Variants in LYPLAL1 observed in about 807,000 individuals in gnomAD.
The protein encoded by LYPLAL1 is lysophospholipase like 1, also known as lysophospholipase-like protein 1.
Under a neutral mutation model 19.7 loss-of-function variants are expected in LYPLAL1, and 23 were observed. That is an observed-to-expected ratio of 1.17 (90% CI 0.84 to 1.65). LYPLAL1 has a LOEUF of 1.65. Ranked by LOEUF, LYPLAL1 falls within the 40% of genes most tolerant of loss-of-function variation. The probability of loss-of-function intolerance (pLI) is 0.00; values close to 1 mark genes in which losing one functional copy is unlikely to be tolerated. For synonymous variants in LYPLAL1, 119 were observed against 96.3 expected (o/e 1.24, Z -1.38); for missense variants, 355 against 279.4 (o/e 1.27, Z -1.93).
At chr1:219,383,468 A>G in the LYPLAL1 span, among the ~76,000 whole-genome samples, 1 of 152,212 alleles carries the variant, frequency 6.6e-6, no homozygotes, top group African/African-American at 2.4e-5. Context: ...ACAGGTCAAT[A>G]TACTTCAGGT....
At chr1:219,306,286 T>C in the LYPLAL1 span, among the ~76,000 whole-genome samples, 1 of 152,054 alleles carries the variant, frequency 6.6e-6, no homozygotes, top group Non-Finnish European at 1.5e-5. Context: ...TAACCAAAGG[T>C]TATTGGGAGC....
intron 2 of LYPLAL1, among the ~76,000 whole-genome samples, chr1:219,181,938 T>C (rs1181807848): frequency 3.3e-5 from 5 of 152,184 alleles, no homozygotes; most frequent in African/African-American, 1.2e-4. Context: ...TTGCAGTATT[T>C]GCTTGTTGTT....
At chr1:219,347,819 C>T in the LYPLAL1 span, among the ~76,000 whole-genome samples, 1 of 151,864 alleles carries the variant, frequency 6.6e-6, no homozygotes, top group African/African-American at 2.4e-5. Context: ...AGCATATTTT[C>T]CCTTCTTTTT....
the LYPLAL1 span, among the ~76,000 whole-genome samples, chr1:219,239,397 A>G: frequency 6.6e-6 from 1 of 152,216 alleles, no homozygotes; most frequent in African/African-American, 2.4e-5. Flanking sequence ...TAAGTTAGTA[A>G]ATGGATGAGT....
the LYPLAL1 span, among the ~76,000 whole-genome samples, chr1:219,218,298 T>C: frequency 6.6e-6 from 1 of 152,030 alleles, no homozygotes; most frequent in Non-Finnish European, 1.5e-5. Flanking sequence ...ATGTCTTCAT[T>C]AGATGAAAAA....
chr1:219,345,576 G>T, the LYPLAL1 span, among the ~76,000 whole-genome samples: 1 of 152,168 alleles, frequency 6.6e-6, no homozygotes, highest in Admixed American at 6.5e-5. Flanking sequence ...TCTAAGGCAA[G>T]TTTTGGTGAG....
intron 3 of LYPLAL1, among the ~76,000 whole-genome samples, chr1:219,208,011 C>T (rs79103900): frequency 0.015 from 2,344 of 152,048 alleles, 55 homozygotes; most frequent in African/African-American, 0.052. Context: ...CTCACATTCT[C>T]TCCTATTTTA....
At chr1:219,269,415 T>A in the LYPLAL1 span, among the ~76,000 whole-genome samples, 1 of 151,850 alleles carries the variant, frequency 6.6e-6, no homozygotes, top group African/African-American at 2.4e-5. Flanking sequence ...GCTCACAGAC[T>A]TCACAGGTAG....
At chr1:219,358,836 G>A in the LYPLAL1 span, among the ~76,000 whole-genome samples, 36 of 129,930 alleles carry the variant, frequency 2.8e-4, no homozygotes, top group East Asian at 6.8e-4. Context: ...GTGTGTGTGC[G>A]TGTGTGTGTG....
chr1:219,399,172 G>A, the LYPLAL1 span, among the ~76,000 whole-genome samples: 2,531 of 151,980 alleles, frequency 0.017, 74 homozygotes, highest in African/African-American at 0.056. Flanking sequence ...GAGCTGGGGC[G>A]GGGGGGCCTC....
At chr1:219,236,617 C>A in the LYPLAL1 span, among the ~76,000 whole-genome samples, 1 of 152,198 alleles carries the variant, frequency 6.6e-6, no homozygotes, top group South Asian at 2.1e-4. Context: ...ACAATATTTT[C>A]ATATACCTCT....
rs375981973 is a variant in LYPLAL1, at chr1:219,208,571, G to A, written c.362-1961G>A. ...CAAAGCACTATACTTACCACTGAGC[G>A]TGTAAAGTTGAAACTGACTCATTAG... On this transcript the variant is annotated intron_variant, in intron 3 of 4. Transcript: ENST00000366928. Among the ~76,000 whole-genome samples the A allele has an allele frequency of 4.7e-4, 72 of 151,842 alleles. No homozygotes were observed. The South Asian group carries it at 0.011, about 22-fold the overall frequency.
the LYPLAL1 span, among the ~76,000 whole-genome samples, chr1:219,341,840 A>G: frequency 2.0e-5 from 3 of 152,166 alleles, no homozygotes; most frequent in Non-Finnish European, 4.4e-5. Flanking sequence ...AGCCATTTAA[A>G]TAAAAAGTTG....
downstream of LYPLAL1, among the ~76,000 whole-genome samples, chr1:219,213,363 CAGTT>C (rs989713506): frequency 1.3e-5 from 2 of 151,408 alleles, no homozygotes; most frequent in African/African-American, 4.8e-5. Context: ...TAAGTCCTCT[CAGTT>C]TATTTTTTTT....
chr1:219,349,961 A>C, the LYPLAL1 span, among the ~76,000 whole-genome samples: 3 of 152,178 alleles, frequency 2.0e-5, no homozygotes, highest in Admixed American at 1.3e-4. Flanking sequence ...ATTTTCTTGG[A>C]GTAATATAAG....
the LYPLAL1 span, chr1:219,412,089 G>C: frequency 6.6e-6 from 1 of 152,242 alleles, no homozygotes; most frequent in Admixed American, 6.5e-5. Context: ...CACTCTGTCA[G>C]GCAGGCTAGA....
At chr1:219,349,406 T>C in the LYPLAL1 span, among the ~76,000 whole-genome samples, 1 of 152,158 alleles carries the variant, frequency 6.6e-6, no homozygotes, top group Non-Finnish European at 1.5e-5. Context: ...GGCAGTATGA[T>C]GAGGTAAATG....
At chr1:219,175,400 A>G (rs1572144268) in intron 1 of LYPLAL1, among the ~76,000 whole-genome samples, 1 of 152,202 alleles carries the variant, frequency 6.6e-6, no homozygotes, top group African/African-American at 2.4e-5. Context: ...TAGGGCTCCA[A>G]GAGTGTTCAT....
chr1:219,283,758 T>C, the LYPLAL1 span, among the ~76,000 whole-genome samples: 6 of 152,142 alleles, frequency 3.9e-5, no homozygotes, highest in Admixed American at 3.9e-4. Flanking sequence ...ACTAAAAAGA[T>C]TGTATTGCTG....
Sources: allele counts gnomAD v4.1 joint callset (sites outside exome capture counted in the v4.1 genomes callset), GRCh38; gene constraint gnomAD v4.1.1; transcripts MANE v1.5; gene names NCBI Gene and HGNC (gene_info 2026-07-23, HGNC 2026-07-21).